The following ZNF385B variants were observed in gnomAD, a reference collection of about 807,000 sequenced individuals.
ZNF385B encodes zinc finger protein 533.
ZNF385B carries 23 observed loss-of-function variants against 39.2 expected under a neutral mutation model. That is an observed-to-expected ratio of 0.59 (90% CI 0.42 to 0.83). The LOEUF is 0.83. ZNF385B is among the 40% of genes least tolerant of loss of function. ZNF385B has a pLI of 0.00. For synonymous variants in ZNF385B, 205 were observed against 222.6 expected (o/e 0.92, Z 0.70); for missense variants, 552 against 598.9 (o/e 0.92, Z 0.82).
chr2:179,854,752 T>G (rs1001896218), intron 1 of ZNF385B, among the ~76,000 whole-genome samples: 1 of 152,216 alleles, frequency 6.6e-6, no homozygotes, highest in Non-Finnish European at 1.5e-5. Flanking sequence ...GCTCATTATC[T>G]CTCACAATGG....
chr2:179,633,604 T>C (rs999609395), intron 3 of ZNF385B, among the ~76,000 whole-genome samples: 1 of 152,176 alleles, frequency 6.6e-6, no homozygotes, highest in Admixed American at 6.5e-5. Context: ...TCATACTGAA[T>C]GGGCAAAACC....
At chr2:179,799,048 G>A (rs149851821) in intron 1 of ZNF385B, among the ~76,000 whole-genome samples, 202 of 151,992 alleles carry the variant, frequency 1.3e-3, no homozygotes, top group African/African-American at 4.2e-3. Flanking sequence ...CCCATTTCAG[G>A]TGATTGGTAA....
intron 3 of ZNF385B, among the ~76,000 whole-genome samples, chr2:179,571,729 C>A (rs1223962169): frequency 6.6e-6 from 1 of 152,156 alleles, no homozygotes; most frequent in African/African-American, 2.4e-5. Context: ...GCTAATGCTA[C>A]ACTTTCACAA....
At chr2:179,634,973 C>CAAAAA (rs66671134) in intron 3 of ZNF385B, among the ~76,000 whole-genome samples, 7 of 115,612 alleles carry the variant, frequency 6.1e-5, no homozygotes, top group Admixed American at 1.7e-4. Flanking sequence ...ACTAAAAATA[C>CAAAAA]AAAAAAAAAA....
chr2:179,475,018 A>G (rs2053248091), intron 6 of ZNF385B, among the ~76,000 whole-genome samples: 1 of 152,198 alleles, frequency 6.6e-6, no homozygotes, highest in Non-Finnish European at 1.5e-5. Context: ...CTCTGGAATC[A>G]CAGCTAGTTA....
At chr2:179,668,866 G>A (rs1695533165) in intron 3 of ZNF385B, among the ~76,000 whole-genome samples, 1 of 152,012 alleles carries the variant, frequency 6.6e-6, no homozygotes, top group Non-Finnish European at 1.5e-5. Context: ...ACCCTGTCTG[G>A]GGTTTTCCAA....
chr2:179,535,606 C>T (rs937447304), intron 4 of ZNF385B, among the ~76,000 whole-genome samples: 12 of 152,080 alleles, frequency 7.9e-5, no homozygotes, highest in East Asian at 1.9e-4. Context: ...CAATGTAAAA[C>T]GTCTTTGAAA....
At chr2:179,485,799 T>C (rs1158563445) in intron 5 of ZNF385B, among the ~76,000 whole-genome samples, 1 of 152,118 alleles carries the variant, frequency 6.6e-6, no homozygotes, top group Non-Finnish European at 1.5e-5. Context: ...AAATATTGCT[T>C]TGGTAGTAGT....
At position 179,552,328 on chromosome 2, in the gene ZNF385B, T is replaced by C. The variant is rs995111795; in HGVS notation, c.299-7359A>G. On this transcript the variant is annotated intron_variant, in intron 3 of 9. Transcript: ENST00000410066. ...AAGAGTATGCCAGAGTCAACAAATATGCATGAAGAAGCATTTGCAGAATGA... is the reference window on the plus strand; with the variant it reads ...AAGAGTATGCCAGAGTCAACAAATACGCATGAAGAAGCATTTGCAGAATGA... 1.1e-4 allele frequency among the ~76,000 whole-genome samples: 16 copies of C among 149,306 alleles called. 2 individuals carry two copies. Among genetic ancestry groups the C allele is most frequent in the Admixed American group, 2.0e-4 (3 of 15,002 alleles).
At chr2:179,718,071 T>A (rs1700445599) in intron 3 of ZNF385B, among the ~76,000 whole-genome samples, 1 of 152,140 alleles carries the variant, frequency 6.6e-6, no homozygotes, top group Non-Finnish European at 1.5e-5. Flanking sequence ...GCCAATGACA[T>A]TCATAATATC....
At chr2:179,679,612 TGTTG>T (rs1161733795) in intron 3 of ZNF385B, among the ~76,000 whole-genome samples, 2 of 151,244 alleles carry the variant, frequency 1.3e-5, no homozygotes, top group Non-Finnish European at 2.9e-5. Flanking sequence ...TTGTTGTTGT[TGTTG>T]TTGTTGTTGT....
intron 1 of ZNF385B, among the ~76,000 whole-genome samples, chr2:179,836,665 C>T (rs1708269812): frequency 6.6e-6 from 1 of 151,038 alleles, no homozygotes; most frequent in Non-Finnish European, 1.5e-5. Flanking sequence ...ACTACAGGCG[C>T]CCGCCACCGT....
intron 5 of ZNF385B, among the ~76,000 whole-genome samples, chr2:179,517,396 A>T (rs2058166493): frequency 1.3e-5 from 2 of 151,866 alleles, no homozygotes; most frequent in Admixed American, 6.6e-5. Context: ...TTCTCAGTTT[A>T]TTTAGGTACA....
intron 3 of ZNF385B, among the ~76,000 whole-genome samples, chr2:179,703,975 T>A (rs918333815): frequency 2.6e-5 from 4 of 152,202 alleles, no homozygotes; most frequent in African/African-American, 9.6e-5. Flanking sequence ...TTTTCTGTCA[T>A]GCTAAGTGAT....
intron 3 of ZNF385B, chr2:179,745,681 C>G: frequency 6.5e-7 from 1 of 1,528,594 alleles, no homozygotes; most frequent in Non-Finnish European, 8.8e-7. Flanking sequence ...TCCCAGACCC[C>G]AGCATCCAAG....
At chr2:179,742,709 C>G (rs1175041127) in intron 3 of ZNF385B, among the ~76,000 whole-genome samples, 1 of 151,954 alleles carries the variant, frequency 6.6e-6, no homozygotes, top group Non-Finnish European at 1.5e-5. Flanking sequence ...AAAGAAAGTA[C>G]AAACTCTATA....
At chr2:179,809,111 G>C (rs1308651592) in intron 1 of ZNF385B, among the ~76,000 whole-genome samples, 1 of 152,076 alleles carries the variant, frequency 6.6e-6, no homozygotes, top group African/African-American at 2.4e-5. Flanking sequence ...AAACATAAAA[G>C]CTCAAGGGCA....
chr2:179,702,760 G>A (rs1036493936), intron 3 of ZNF385B, among the ~76,000 whole-genome samples: 18 of 152,204 alleles, frequency 1.2e-4, no homozygotes, highest in Admixed American at 2.0e-4. Flanking sequence ...GGTTAAGTAT[G>A]AGTCTGAAAT....
At position 179,538,983 on chromosome 2, in the gene ZNF385B, T is replaced by C. The variant is rs538831121; in HGVS notation, c.441+5844A>G. ...CTCTGAACAGTTACACAAATACATA[T>C]GCATGTACACAATGTGCAGGTGCTA... On this transcript the variant is annotated intron_variant, in intron 4 of 9. Transcript: ENST00000410066. Among the ~76,000 whole-genome samples, 15 of 152,352 alleles carry C rather than the reference T, an allele frequency of 9.8e-5. No individual in the cohort carries two copies. The East Asian group carries it at 2.7e-3, about 27-fold the overall frequency.
Sources: allele counts gnomAD v4.1 joint callset (sites outside exome capture counted in the v4.1 genomes callset), GRCh38; gene constraint gnomAD v4.1.1; transcripts MANE v1.5; gene names NCBI Gene and HGNC (gene_info 2026-07-23, HGNC 2026-07-21).